The following FUT8 variants were observed in gnomAD, a reference collection of about 807,000 sequenced individuals.
The protein encoded by FUT8 is fucosyltransferase 8, also known as alpha-(1,6)-fucosyltransferase.
In FUT8, 29 loss-of-function variants were observed where a neutral mutation model predicts 71.3. The observed-to-expected ratio is 0.41, with a 90% CI of 0.30 to 0.55. The LOEUF is 0.55. Ranked by LOEUF, FUT8 falls within the 20% of genes least tolerant of loss-of-function variation. The probability of loss-of-function intolerance (pLI) is 0.34; values close to 1 mark genes in which losing one functional copy is unlikely to be tolerated. For missense variants in FUT8, 544 were observed against 702.1 expected (o/e 0.77, Z 2.55); for synonymous variants, 254 against 239.3 (o/e 1.06, Z -0.57).
intron 3 of FUT8, among the ~76,000 whole-genome samples, chr14:65,584,609 G>C (rs1485940325): frequency 6.6e-6 from 1 of 152,220 alleles, no homozygotes; most frequent in Non-Finnish European, 1.5e-5. Context: ...AAATATAATA[G>C]ATCAGGTGGT....
intron 2 of FUT8, among the ~76,000 whole-genome samples, chr14:65,512,891 G>C (rs1487500178): frequency 1.4e-3 from 191 of 140,892 alleles, no homozygotes; most frequent in African/African-American, 5.0e-3. Context: ...CTGGGCGACA[G>C]AGTGAGACTC....
chr14:65,588,608 G>A (rs577163160), intron 3 of FUT8, among the ~76,000 whole-genome samples: 6 of 152,106 alleles, frequency 3.9e-5, no homozygotes, highest in Non-Finnish European at 8.8e-5. Context: ...AATGAGTTGT[G>A]ACTCTTAGTC....
chr14:65,418,858 A>G (rs1178400721), intron 1 of FUT8, among the ~76,000 whole-genome samples: 13 of 152,178 alleles, frequency 8.5e-5, no homozygotes, highest in Non-Finnish European at 1.9e-4. Flanking sequence ...TATTATAATG[A>G]TATCATTTCC....
Position 65,616,006 on chromosome 14 carries a change from C to G in FUT8, c.232C>G (p.Pro78Ala). The change falls in exon 4 of 11, where the codon CCA (proline) becomes GCA (alanine). Residue 78 changes from proline (P) to alanine (A), a missense_variant. Transcript: ENST00000673929. ...RIPEGPIDQG[P>A]AIGRVRVLEE... ...ACCAGAAGGCCCTATTGATCAGGGG[C>G]CAGCTATAGGAAGAGTACGCGTTTT... The G allele has an allele frequency of 6.2e-7, 1 of 1,613,632 alleles. No individual in the cohort carries two copies. Among genetic ancestry groups the G allele is most frequent in the Non-Finnish European group, 8.5e-7 (1 of 1,179,752 alleles).
chr14:65,384,985 G>A, the FUT8 span, among the ~76,000 whole-genome samples: 2 of 151,464 alleles, frequency 1.3e-5, no homozygotes, highest in African/African-American at 2.4e-5. The surrounding 1 kb of genome is among the most constrained non-coding windows in gnomAD (Gnocchi z 4.2). Flanking sequence ...TCCACTGCCC[G>A]GGTTCAAGCA....
Position 65,701,575 on chromosome 14 carries a change from T to C in FUT8, c.836-20200T>C, listed in dbSNP as rs1894297266. ...GCTTTAAGATAACTAAAATGCACCCTAAATGTGTCATACAAATAAATTAAA... is the reference window on the plus strand; with the variant it reads ...GCTTTAAGATAACTAAAATGCACCCCAAATGTGTCATACAAATAAATTAAA... On this transcript the variant is annotated intron_variant, in intron 7 of 10. Coordinates refer to ENST00000673929, the MANE Select transcript of FUT8 (RefSeq NM_001371533.1). Among the ~76,000 whole-genome samples the C allele has an allele frequency of 1.3e-5, 2 of 152,234 alleles. 1 individual carries two copies. The highest frequency in any genetic ancestry group is 4.1e-4 in the South Asian group (2 of 4,832).
intron 2 of FUT8, among the ~76,000 whole-genome samples, chr14:65,549,353 G>T (rs1218630308): frequency 1.3e-5 from 2 of 149,870 alleles, no homozygotes; most frequent in Admixed American, 6.6e-5. Context: ...TTGTCCCATT[G>T]TCTTACTAGA....
intron 1 of FUT8, among the ~76,000 whole-genome samples, chr14:65,450,245 A>G (rs534552011): frequency 4.6e-5 from 7 of 152,292 alleles, no homozygotes; most frequent in African/African-American, 9.6e-5. Flanking sequence ...ACTCTGTTCA[A>G]TATTACAGAT....
the FUT8 span, among the ~76,000 whole-genome samples, chr14:65,399,472 A>C: frequency 6.6e-6 from 1 of 152,186 alleles, no homozygotes; most frequent in Non-Finnish European, 1.5e-5. Context: ...TAGGTCTTAG[A>C]CTTTCATGAA....
upstream of FUT8, chr14:65,411,940 C>T (rs1299083230): frequency 4.6e-6 from 2 of 439,122 alleles, no homozygotes; most frequent in African/African-American, 4.0e-5. Flanking sequence ...TGGGGCAGCC[C>T]TTCGGTCCAC....
the FUT8 span, among the ~76,000 whole-genome samples, chr14:65,402,674 A>AC: frequency 6.6e-6 from 1 of 150,806 alleles, no homozygotes; most frequent in African/African-American, 2.4e-5. Context: ...TAAAGCAAAA[A>AC]AAATTGTAGA....
chr14:65,467,308 A>T lies in FUT8; in HGVS notation c.-228+11590A>T, dbSNP rs1160638365. The stretch of plus-strand genomic sequence containing the variant: ...CAGCCCAGAGGTCTTATTTTATTTT[A>T]TTTTTTTGAGATGGAGTCTCATTCT... On this transcript the variant is annotated intron_variant, in intron 2 of 10. Transcript: ENST00000673929. This position sits in a 1 kb window ranked among gnomAD's most constrained non-coding sequence, Gnocchi z 4.1. Among the ~76,000 whole-genome samples, 2 of 151,268 alleles carry T rather than the reference A, an allele frequency of 1.3e-5. No homozygotes were observed. The highest frequency in any genetic ancestry group is 2.9e-5 in the Non-Finnish European group (2 of 67,814).
At chr14:65,655,664 C>T (rs1217255366) in intron 6 of FUT8, among the ~76,000 whole-genome samples, 1 of 152,076 alleles carries the variant, frequency 6.6e-6, no homozygotes, top group Non-Finnish European at 1.5e-5. Flanking sequence ...ACTGGCAGAA[C>T]TGAAAGGAGA....
At chr14:65,715,347 G>A (rs1349407309) in intron 7 of FUT8, among the ~76,000 whole-genome samples, 1 of 152,166 alleles carries the variant, frequency 6.6e-6, no homozygotes, top group Non-Finnish European at 1.5e-5. Flanking sequence ...TGTGGCTTTT[G>A]TTCTTCATTC....
chr14:65,411,633 G>C, upstream of FUT8: 1 of 180,454 alleles, frequency 5.5e-6, no homozygotes, highest in Non-Finnish European at 1.2e-5. Context: ...TTTGGGATAA[G>C]TATCCCCGGT....
chr14:65,400,498 C>A, the FUT8 span, among the ~76,000 whole-genome samples: 1 of 152,140 alleles, frequency 6.6e-6, no homozygotes, highest in Non-Finnish European at 1.5e-5. Flanking sequence ...CAGGGGTATA[C>A]GACTTCTGTT....
intron 1 of FUT8, among the ~76,000 whole-genome samples, chr14:65,453,952 C>G (rs1282483511): frequency 6.6e-6 from 1 of 152,126 alleles, no homozygotes; most frequent in Non-Finnish European, 1.5e-5. Context: ...GCAATGGTGT[C>G]TAGAACATGT....
intron 3 of FUT8, among the ~76,000 whole-genome samples, chr14:65,595,082 C>T (rs1387774762): frequency 1.3e-5 from 2 of 152,064 alleles, no homozygotes; most frequent in Non-Finnish European, 2.9e-5. Flanking sequence ...AGTGTCTCTG[C>T]CTCCTCTGCC....
chr14:65,426,396 A>G (rs183774109), intron 1 of FUT8, among the ~76,000 whole-genome samples: 117 of 152,102 alleles, frequency 7.7e-4, no homozygotes, highest in African/African-American at 2.4e-3. Context: ...AAAGCACACA[A>G]ATTTATTCAA....
Sources: allele counts gnomAD v4.1 joint callset (sites outside exome capture counted in the v4.1 genomes callset), GRCh38; gene constraint gnomAD v4.1.1; non-coding constraint Gnocchi (gnomAD v3.1); transcripts MANE v1.5; gene names NCBI Gene and HGNC (gene_info 2026-07-23, HGNC 2026-07-21).